Variants in OR13A1 observed in about 807,000 individuals in gnomAD.
The protein encoded by OR13A1 is olfactory receptor family 13 subfamily A member 1.
Under a neutral mutation model 7.5 loss-of-function variants are expected in OR13A1, and 10 were observed. The ratio of observed to expected loss-of-function variants is 1.34; its 90% CI spans 0.83 to 2.27. OR13A1 has a LOEUF of 2.27. Ranked by LOEUF, OR13A1 falls within the 30% of genes most tolerant of loss-of-function variation. The pLI is 0.00. For missense variants in OR13A1, 509 were observed against 419.1 expected, an observed-to-expected ratio of 1.21 and a Z score of -1.87; for synonymous variants, 238 against 177.9, an observed-to-expected ratio of 1.34 and a Z score of -2.69.
At chr10:45,313,942 T>C (rs1263290005) in intron 1 of OR13A1, among the ~76,000 whole-genome samples, 1 of 144,490 alleles carries the variant, frequency 6.9e-6, no homozygotes, top group Non-Finnish European at 1.5e-5. Context: ...TTCCACCCAA[T>C]AAAATCAGAA....
At position 45,303,904 on chromosome 10, in the gene OR13A1, G is replaced by T. The variant is rs754154232; in HGVS notation, c.519C>A (p.Asn173Lys). 9.9e-6 allele frequency: 16 copies of T among 1,613,440 alleles called. No individual in the cohort carries two copies. The highest frequency in any genetic ancestry group is 1.3e-5 in the Non-Finnish European group (15 of 1,180,040). ...ATAVWLLCAV[N>K]TAIHTGLMLR... ...GCATCAGCCCCGTGTGGATGGCCGT[G>T]TTGACGGCGCAGAGCAGCCACACGG... The change falls in exon 4 of 4, where the codon AAC becomes AAA. Residue 173 changes from asparagine (N) to lysine (K), a missense_variant. By Grantham distance (94) the Asn-to-Lys change is moderately conservative (BLOSUM62 0). Transcript: ENST00000553795.
Position 45,303,580 on chromosome 10 carries a change from G to T in OR13A1, c.843C>A (p.Val281=). The part of the protein sequence containing the change: ...TAVFYAYISP[V]SGYSAGKSKL... ...TGCTCTTCCCTGCGCTGTAGCCAGAGACCGGGCTTATGTAGGCGTAGAAGA... is the reference window on the plus strand; with the variant it reads ...TGCTCTTCCCTGCGCTGTAGCCAGATACCGGGCTTATGTAGGCGTAGAAGA... The change falls in exon 4 of 4, where the codon GTC becomes GTA. Residue 281 remains valine, a synonymous_variant. Coordinates refer to ENST00000553795, the MANE Select transcript of OR13A1 (RefSeq NM_001004297.3). The T allele has an allele frequency of 6.2e-7, 1 of 1,614,168 alleles. No homozygotes were observed. Among genetic ancestry groups the T allele is most frequent in the Non-Finnish European group, 8.5e-7 (1 of 1,180,044 alleles).
chr10:45,312,300 G>A (rs974876958), intron 1 of OR13A1, among the ~76,000 whole-genome samples: 1 of 151,852 alleles, frequency 6.6e-6, no homozygotes, highest in Non-Finnish European at 1.5e-5. Flanking sequence ...CTCACACCAA[G>A]CCACATGATC....
chr10:45,305,149 C>T (rs556169941), intron 3 of OR13A1, among the ~76,000 whole-genome samples: 4 of 151,962 alleles, frequency 2.6e-5, no homozygotes, highest in East Asian at 3.9e-4. Flanking sequence ...GCAGGAGAAT[C>T]GCTTGAACCT....
chr10:45,305,731 G>T (rs1309369998), intron 3 of OR13A1, among the ~76,000 whole-genome samples: 1 of 152,158 alleles, frequency 6.6e-6, no homozygotes, highest in Non-Finnish European at 1.5e-5. Flanking sequence ...TCTTGGTTTT[G>T]TTCTTCCCAC....
At chr10:45,306,452 CAA>C (rs10550417) in intron 3 of OR13A1, among the ~76,000 whole-genome samples, 77,603 of 134,030 alleles carry the variant, frequency 0.58, 20,879 homozygotes, top group African/African-American at 0.62. Context: ...GACTCCGTCT[CAA>C]AAAAAAAAAA....
rs1434516595 is a variant in OR13A1 at position 45,303,893 on chromosome 10, T to C, written c.530A>G (p.His177Arg). Residue 177 changes from histidine (H) to arginine (R), a missense_variant, in exon 4 of 4, where the codon CAC becomes CGC. By Grantham distance (29) the His-to-Arg change is conservative (BLOSUM62 0). Transcript: ENST00000553795. ...ATCCAAGCGCAGCATCAGCCCCGTG[T>C]GGATGGCCGTGTTGACGGCGCAGAG... ...WLLCAVNTAIHTGLMLRLDFC... is the reference protein window; with the variant it reads ...WLLCAVNTAIRTGLMLRLDFC... 1.2e-6 allele frequency: 2 copies of C among 1,613,346 alleles called. No individual in the cohort carries two copies. The highest frequency in any genetic ancestry group is 2.7e-5 in the African/African-American group (2 of 74,932).
Position 45,303,052 on chromosome 10 carries a change from G to C in OR13A1, c.*384C>G, listed in dbSNP as rs961446550. 5.9e-6 allele frequency: 1 copy of C among 169,672 alleles called. No individual in the cohort carries two copies. The highest frequency in any genetic ancestry group is 1.8e-4 in the South Asian group (1 of 5,666). The allele number at this position is 169,672 out of a possible 1,614,324, so 10.5% of individuals were successfully genotyped here. A position where few individuals can be genotyped will look rare whatever the true frequency, so the allele number is the denominator to read the frequency against. Reference sequence around the variant, plus strand: ...GTCCACAATTCTGCCTAACTTTTTAGACCCACACAGCTGAATTCTAGGTGT... The same window carrying C: ...GTCCACAATTCTGCCTAACTTTTTACACCCACACAGCTGAATTCTAGGTGT... On this transcript the variant is annotated 3_prime_UTR_variant, in exon 4 of 4. Coordinates refer to ENST00000553795, the MANE Select transcript of OR13A1 (RefSeq NM_001004297.3).
chr10:45,303,554 T>C lies in OR13A1; in HGVS notation c.869A>G (p.Lys290Arg), dbSNP rs1838252179. The change falls in exon 4 of 4, where the codon AAG (lysine) becomes AGG (arginine). Residue 290 changes from lysine to arginine, a missense_variant. Physicochemically the swap from Lys to Arg is conservative, Grantham distance 26. Transcript: ENST00000553795. Reference protein sequence around the residue: ...PVSGYSAGKSKLAGLLYTVLS... With the variant: ...PVSGYSAGKSRLAGLLYTVLS... The stretch of plus-strand genomic sequence containing the variant: ...CACAGTGTACAGCAGGCCAGCCAAC[T>C]TGCTCTTCCCTGCGCTGTAGCCAGA... The C allele has an allele frequency of 5.6e-6, 9 of 1,613,994 alleles. No individual in the cohort carries two copies. In the South Asian group the frequency reaches 9.9e-5, roughly 18 times the overall value.
intron 3 of OR13A1, among the ~76,000 whole-genome samples, chr10:45,306,893 G>A (rs1838341463): frequency 6.6e-6 from 1 of 152,200 alleles, no homozygotes; most frequent in African/African-American, 2.4e-5. Context: ...GACAAAAAGA[G>A]TGAATAATTA....
chr10:45,314,427 T>A (rs1588946891), intron 1 of OR13A1, among the ~76,000 whole-genome samples: 1 of 140,176 alleles, frequency 7.1e-6, no homozygotes, highest in Non-Finnish European at 1.5e-5. Context: ...CAAGACCCCA[T>A]CTCCACAACT....
rs970638425 is a variant in OR13A1, at chr10:45,302,848, A to T, written c.*588T>A. ...TCAGATACTCAGAATCTGAAGTGTT[A>T]GTAAGAAGAAAAGACAAAAGCAGAA... On this transcript the variant is annotated 3_prime_UTR_variant, in exon 4 of 4. Coordinates refer to ENST00000553795, the MANE Select transcript of OR13A1 (RefSeq NM_001004297.3). 6.6e-6 allele frequency: 1 copy of T among 152,402 alleles called. No homozygotes were observed. Among genetic ancestry groups the T allele is most frequent in the African/African-American group, 2.4e-5 (1 of 41,468 alleles). The allele number at this position is 152,402 out of a possible 1,614,324, so 9.4% of individuals were successfully genotyped here.
In OR13A1 at chr10:45,304,444, T is replaced by TAA. The variant is rs756316083; in HGVS notation, c.-12-12_-12-11dup. The TAA allele has an allele frequency of 2.5e-6, 4 of 1,598,052 alleles. No homozygotes were observed. The Admixed American group carries it at 5.1e-5, about 20-fold the overall frequency. On this transcript the variant is annotated splice_polypyrimidine_tract_variant and intron_variant, in intron 3 of 3. Coordinates refer to ENST00000553795, the MANE Select transcript of OR13A1 (RefSeq NM_001004297.3). ...TCATGTGATTTCAGAGCTAGAGAGA[T>TAA]AAACAAGAGGTGTCCTGAGGAAGGC... is the stretch of plus-strand genomic sequence containing the variant.
chr10:45,310,381 T>G (rs1049071173), intron 1 of OR13A1, among the ~76,000 whole-genome samples: 19 of 152,230 alleles, frequency 1.2e-4, no homozygotes, highest in Non-Finnish European at 2.5e-4. Flanking sequence ...CTTGATCTCC[T>G]ACGTGATGAT....
chr10:45,304,173 A>G lies in OR13A1; in HGVS notation c.250T>C (p.Leu84=). The change falls in exon 4 of 4, where the codon TTG becomes CTG. Residue 84 remains leucine (L), a synonymous_variant. Transcript: ENST00000553795. ...GTGCAGATAATGTCCATAGTAGCCA[A>G]GTTGAGTAAGAAAAAGTACATAGGA... ...HAPMYFFLLN[L]ATMDIICTSS... The G allele has an allele frequency of 1.9e-6, 3 of 1,614,234 alleles. No individual in the cohort carries two copies. The highest frequency in any genetic ancestry group is 2.5e-6 in the Non-Finnish European group (3 of 1,180,034).
chr10:45,304,368 T>G lies in OR13A1; in HGVS notation c.55A>C (p.Arg19=). 1 of 1,614,140 alleles carries G rather than the reference T, an allele frequency of 6.2e-7. No homozygotes were observed. The change falls in exon 4 of 4, where the codon AGG becomes CGG. Residue 19 remains arginine (R), a synonymous_variant. Coordinates refer to ENST00000553795, the MANE Select transcript of OR13A1 (RefSeq NM_001004297.3). Reference sequence around the variant, plus strand: ...ACCAACGTCTGGTTACTCATCATCCTTGGGCTGGGACGGGTTTCTGGGACT... The same window carrying G: ...ACCAACGTCTGGTTACTCATCATCCGTGGGCTGGGACGGGTTTCTGGGACT... The part of the protein sequence containing the change: ...LIVPETRPSP[R]MMSNQTLVTE...
intron 2 of OR13A1, 41 bp from the exon 3 acceptor site, chr10:45,307,608 G>A (rs553047128): frequency 6.6e-6 from 1 of 152,106 alleles, no homozygotes; most frequent in South Asian, 2.1e-4. Context: ...AGTTTCATAG[G>A]GCATTTGCTT....
intron 1 of OR13A1, chr10:45,308,744 C>T (rs116615080): frequency 6.6e-6 from 1 of 152,216 alleles, no homozygotes; most frequent in East Asian, 1.9e-4. Context: ...GTAGAGTGAA[C>T]AGACTTTATG....
At position 45,303,822 on chromosome 10, in the gene OR13A1, G is replaced by C. The variant is rs539796594; in HGVS notation, c.601C>G (p.Pro201Ala). ...VIIHFFCEVP[P>A]LLLLSCSSTY... ...GAGCTGCAGGAGAGAAGCAGCAGGG[G>C]AGGGACCTCGCAGAAGAAATGGATA... is the stretch of plus-strand genomic sequence containing the variant. Residue 201 changes from proline to alanine, a missense_variant, in exon 4 of 4, where the codon CCC becomes GCC. Pro to Ala is a conservative substitution (Grantham distance 27). Coordinates refer to ENST00000553795, the MANE Select transcript of OR13A1 (RefSeq NM_001004297.3). 6.2e-7 allele frequency: 1 copy of C among 1,613,108 alleles called. No homozygotes were observed. Among genetic ancestry groups the C allele is most frequent in the Non-Finnish European group, 8.5e-7 (1 of 1,180,038 alleles).
Sources: gnomAD v4.1 joint callset for allele counts (sites outside exome capture counted in the v4.1 genomes callset) on GRCh38, gnomAD v4.1.1 for gene constraint, MANE v1.5 for transcripts, NCBI Gene and HGNC (gene_info 2026-07-23, HGNC 2026-07-21) for gene names.